Variants in IHO1 observed in about 807,000 individuals in gnomAD.
IHO1 encodes interactor of HORMAD1 protein 1.
In IHO1, 13 loss-of-function variants were observed where a neutral mutation model predicts 31.0. The ratio of observed to expected loss-of-function variants is 0.42; its 90% CI spans 0.27 to 0.67. IHO1 has a LOEUF of 0.67. IHO1 is among the 30% of genes least tolerant of loss of function. The pLI is 0.24. For missense variants in IHO1, 599 were observed against 687.5 expected, an observed-to-expected ratio of 0.87 and a Z score of 1.44; for synonymous variants, 221 against 248.4, an observed-to-expected ratio of 0.89 and a Z score of 1.04.
At chr3:49,226,430 A>G (rs2046417916) in intron 2 of IHO1, among the ~76,000 whole-genome samples, 1 of 152,234 alleles carries the variant, frequency 6.6e-6, no homozygotes, top group South Asian at 2.1e-4. Context: ...CGAGGAAGGC[A>G]GAAGGATTTT....
chr3:49,221,428 G>A (rs898528970), intron 2 of IHO1, among the ~76,000 whole-genome samples: 1 of 152,208 alleles, frequency 6.6e-6, no homozygotes, highest in Admixed American at 6.5e-5. Flanking sequence ...GCGCTGATTG[G>A]TGCAGTTACA....
intron 2 of IHO1, 47 bp downstream of exon 2, chr3:49,211,883 C>A: frequency 1.7e-6 from 2 of 1,162,132 alleles, no homozygotes; most frequent in Non-Finnish European, 2.6e-6. Flanking sequence ...GATTTTCTGG[C>A]CGGGCATGAT....
At chr3:49,197,674 A>C (rs2046007658), upstream of IHO1, among the ~76,000 whole-genome samples, 1 of 152,024 alleles carries the variant, frequency 6.6e-6, no homozygotes, top group African/African-American at 2.4e-5. Flanking sequence ...CTGGAGTTTG[A>C]GACCAGCCTG....
At chr3:49,200,645 T>C in intron 1 of IHO1, 3 of 831,334 alleles carry the variant, frequency 3.6e-6, no homozygotes, top group South Asian at 1.1e-4. Context: ...GCCCTTCCCT[T>C]GTATATAGTT....
At chr3:49,254,290 A>ATGTG (rs142967106) in intron 6 of IHO1, among the ~76,000 whole-genome samples, 10 of 150,876 alleles carry the variant, frequency 6.6e-5, no homozygotes, top group East Asian at 3.9e-4. Flanking sequence ...CATTAAATAA[A>ATGTG]TGTGTGTGTG....
At position 49,256,945 on chromosome 3, in the gene IHO1, C is replaced by T. The variant is rs1263958573; in HGVS notation, c.1448C>T (p.Ser483Phe). The change falls in exon 8 of 8, where the codon TCT becomes TTT. Residue 483 changes from serine to phenylalanine, a missense_variant. Coordinates refer to ENST00000452691, the MANE Select transcript of IHO1 (RefSeq NM_001135197.2). This position sits in a 1 kb window ranked among gnomAD's most constrained non-coding sequence, Gnocchi z 4.6. Reference protein sequence around the residue: ...SKYQSPQPAISVPQSPFLGQQ... With the variant: ...SKYQSPQPAIFVPQSPFLGQQ... Reference sequence around the variant, plus strand: ...TATCAGAGTCCTCAGCCTGCAATTTCTGTCCCTCAAAGCCCCTTCCTGGGG... The same window carrying T: ...TATCAGAGTCCTCAGCCTGCAATTTTTGTCCCTCAAAGCCCCTTCCTGGGG... 1 of 1,614,258 alleles carries T rather than the reference C, an allele frequency of 6.2e-7. No individual in the cohort carries two copies. Among genetic ancestry groups the T allele is most frequent in the Non-Finnish European group, 8.5e-7 (1 of 1,180,042 alleles).
At chr3:49,197,445 G>GCCC, upstream of IHO1, among the ~76,000 whole-genome samples, 2 of 152,152 alleles carry the variant, frequency 1.3e-5, no homozygotes, top group African/African-American at 2.4e-5. Context: ...ACAGGCATGA[G>GCCC]CTATGGTGTC....
At chr3:49,225,722 G>T (rs975151595) in intron 2 of IHO1, among the ~76,000 whole-genome samples, 1 of 152,148 alleles carries the variant, frequency 6.6e-6, no homozygotes, top group African/African-American at 2.4e-5. Context: ...CAACTGAGAA[G>T]GTGGGAGAAA....
intron 3 of IHO1, among the ~76,000 whole-genome samples, chr3:49,238,553 T>A (rs1477315325): frequency 6.6e-6 from 1 of 152,136 alleles, no homozygotes; most frequent in African/African-American, 2.4e-5. Context: ...GCATGAAGTG[T>A]ATAGTGCAGG....
chr3:49,221,006 T>A (rs144997580), intron 2 of IHO1, among the ~76,000 whole-genome samples: 2 of 152,390 alleles, frequency 1.3e-5, no homozygotes, highest in African/African-American at 2.4e-5. Context: ...AATTTGGCCC[T>A]GCCCACATTC....
intron 1 of IHO1, among the ~76,000 whole-genome samples, chr3:49,207,850 T>G (rs957938016): frequency 4.0e-5 from 6 of 151,862 alleles, no homozygotes; most frequent in African/African-American, 1.5e-4. Context: ...CGCGGTTCAC[T>G]GCAAGCTCCG....
intron 6 of IHO1, among the ~76,000 whole-genome samples, chr3:49,250,901 A>G (rs1575588104): frequency 6.6e-6 from 1 of 151,822 alleles, no homozygotes; most frequent in East Asian, 2.0e-4. Context: ...GTGGTGGCGC[A>G]TGCCTCCAGC....
chr3:49,247,129 G>A (rs921991410), intron 6 of IHO1, among the ~76,000 whole-genome samples: 1 of 151,818 alleles, frequency 6.6e-6, no homozygotes, highest in South Asian at 2.1e-4. Context: ...GATTACAGGC[G>A]TGAGCTACCG....
In IHO1 at chr3:49,256,846, G is replaced by A; in HGVS notation, c.1349G>A (p.Arg450Lys). Residue 450 changes from arginine (R) to lysine (K), a missense_variant, in exon 8 of 8, where the codon AGG becomes AAG. By Grantham distance (26) the Arg-to-Lys change is conservative (BLOSUM62 2). Coordinates refer to ENST00000452691, the MANE Select transcript of IHO1 (RefSeq NM_001135197.2). The surrounding 1 kb of genome is among the most constrained non-coding windows in gnomAD (Gnocchi z 4.6). ...AAGCAGCAGCCCAGGAAGGCCCACA[G>A]GGCCCACAGAGGCAGGCTCATAGCC... Reference protein sequence around the residue: ...DKKQQPRKAHRAHRGRLIASK... With the variant: ...DKKQQPRKAHKAHRGRLIASK... The A allele has an allele frequency of 6.2e-7, 1 of 1,614,170 alleles. No individual in the cohort carries two copies. The highest frequency in any genetic ancestry group is 8.5e-7 in the Non-Finnish European group (1 of 1,179,980).
upstream of IHO1, among the ~76,000 whole-genome samples, chr3:49,197,049 C>T (rs975569378): frequency 1.4e-5 from 2 of 146,820 alleles, no homozygotes; most frequent in African/African-American, 2.5e-5. Flanking sequence ...GGCGCCATCT[C>T]GGCTCACTGC....
chr3:49,196,156 G>C (rs901234680), upstream of IHO1, among the ~76,000 whole-genome samples: 6 of 146,628 alleles, frequency 4.1e-5, no homozygotes, highest in African/African-American at 1.5e-4. Context: ...GCATGAACCC[G>C]AGAGGCAGAG....
At chr3:49,234,163 T>G (rs1004355494) in intron 2 of IHO1, among the ~76,000 whole-genome samples, 6 of 18,502 alleles carry the variant, frequency 3.2e-4, no homozygotes, top group Non-Finnish European at 5.5e-4. Flanking sequence ...TTTGTTGTTG[T>G]TTTTTTTTTT....
At chr3:49,243,024 A>G (rs2046650282) in intron 4 of IHO1, among the ~76,000 whole-genome samples, 1 of 150,748 alleles carries the variant, frequency 6.6e-6, no homozygotes, top group Non-Finnish European at 1.5e-5. Context: ...CCCAATAGCT[A>G]TTTTTTTTTC....
chr3:49,242,458 A>G (rs1462721992), intron 4 of IHO1, among the ~76,000 whole-genome samples: 2 of 152,160 alleles, frequency 1.3e-5, no homozygotes, highest in African/African-American at 4.8e-5. Context: ...CTTCTTGTCA[A>G]TATGATTTGT....
Sources: allele counts gnomAD v4.1 joint callset (sites outside exome capture counted in the v4.1 genomes callset), GRCh38; gene constraint gnomAD v4.1.1; non-coding constraint Gnocchi (gnomAD v3.1); transcripts MANE v1.5; gene names NCBI Gene and HGNC (gene_info 2026-07-23, HGNC 2026-07-21).